Variants in NEK1 observed in about 807,000 individuals in gnomAD.
The protein encoded by NEK1 is NIMA related kinase 1, also known as serine/threonine-protein kinase Nek1.
Under a neutral mutation model 182.1 loss-of-function variants are expected in NEK1, and 137 were observed. The observed-to-expected ratio is 0.75, with a 90% CI of 0.65 to 0.87. The LOEUF (loss-of-function observed/expected upper bound fraction) is 0.87. Ranked by LOEUF, NEK1 falls within the 40% of genes least tolerant of loss-of-function variation. The pLI, the probability that NEK1 is intolerant of heterozygous loss-of-function variation, is 0.00. For missense variants in NEK1, 1,391 were observed against 1,494.4 expected (o/e 0.93, Z 1.14); for synonymous variants, 513 against 492.2 (o/e 1.04, Z -0.56).
chr4:169,580,996 T>A, intron 10 of NEK1, 94 bp from the exon 11 acceptor site: 1 of 544,566 alleles, frequency 1.8e-6, no homozygotes, highest in Non-Finnish European at 3.2e-6. Context: ...CCTTTTTCAG[T>A]AGTAATTATG....
At chr4:169,511,403 T>G (rs1465229032) in intron 19 of NEK1, among the ~76,000 whole-genome samples, 1 of 151,802 alleles carries the variant, frequency 6.6e-6, no homozygotes, top group Non-Finnish European at 1.5e-5. Context: ...TTAAGGGGAG[T>G]GGGTGGTAGT....
intron 27 of NEK1, among the ~76,000 whole-genome samples, chr4:169,444,135 C>G (rs995908090): frequency 6.6e-6 from 1 of 151,770 alleles, no homozygotes; most frequent in African/African-American, 2.4e-5. Context: ...CATTCACAAA[C>G]AAAAGAGAAA....
chr4:169,524,870 C>T (rs1170443512), intron 19 of NEK1, among the ~76,000 whole-genome samples: 1 of 152,204 alleles, frequency 6.6e-6, no homozygotes, highest in Non-Finnish European at 1.5e-5. Context: ...TTCATGCTTA[C>T]TGATTTACAC....
intron 10 of NEK1, among the ~76,000 whole-genome samples, chr4:169,581,788 A>G (rs1280096544): frequency 2.0e-5 from 3 of 152,208 alleles, no homozygotes; most frequent in Non-Finnish European, 2.9e-5. Context: ...CATTATCAAA[A>G]GAAATTATCT....
chr4:169,513,356 A>C (rs1397358851), intron 19 of NEK1, among the ~76,000 whole-genome samples: 1 of 149,218 alleles, frequency 6.7e-6, no homozygotes, highest in East Asian at 1.9e-4. Context: ...ATGGCATTAC[A>C]TTTTTTGTAT....
At chr4:169,559,112 T>A (rs1233283807) in intron 16 of NEK1, among the ~76,000 whole-genome samples, 1 of 152,210 alleles carries the variant, frequency 6.6e-6, no homozygotes, top group East Asian at 1.9e-4. Flanking sequence ...GATGCAGAAA[T>A]CTATTCAGTA....
chr4:169,525,113 A>T (rs1756694671), intron 19 of NEK1, among the ~76,000 whole-genome samples: 1 of 152,080 alleles, frequency 6.6e-6, no homozygotes, highest in South Asian at 2.1e-4. Flanking sequence ...CATGTACCAA[A>T]CATTATTTTA....
At chr4:169,552,846 C>G (rs1761630316) in intron 18 of NEK1, among the ~76,000 whole-genome samples, 1 of 152,014 alleles carries the variant, frequency 6.6e-6, no homozygotes, top group African/African-American at 2.4e-5. Flanking sequence ...CATTAGCACC[C>G]CCCAACATGT....
intron 18 of NEK1, among the ~76,000 whole-genome samples, chr4:169,545,179 A>C (rs1353865634): frequency 6.9e-6 from 1 of 145,332 alleles, no homozygotes; most frequent in African/African-American, 2.5e-5. Flanking sequence ...CCTTAGATAT[A>C]TCTCCCAATG....
intron 35 of NEK1, 164 bp downstream of exon 35, chr4:169,400,061 C>T (rs1186403632): frequency 1.4e-6 from 1 of 728,878 alleles, no homozygotes; most frequent in Non-Finnish European, 2.4e-6. Flanking sequence ...TATGACAGAT[C>T]AGTAAAAGTA....
intron 11 of NEK1, among the ~76,000 whole-genome samples, chr4:169,578,280 C>T (rs1766039614): frequency 6.6e-6 from 1 of 152,132 alleles, no homozygotes; most frequent in Admixed American, 6.5e-5. Flanking sequence ...CTTATTGAAA[C>T]CCTCTTTCCC....
chr4:169,586,300 G>A (rs1165726517), intron 9 of NEK1, among the ~76,000 whole-genome samples: 1 of 151,808 alleles, frequency 6.6e-6, no homozygotes, highest in African/African-American at 2.4e-5. Flanking sequence ...CTATAAATTA[G>A]GCATCAGTGA....
intron 28 of NEK1, among the ~76,000 whole-genome samples, chr4:169,434,971 G>A (rs1738127367): frequency 6.6e-6 from 1 of 151,996 alleles, no homozygotes; most frequent in African/African-American, 2.4e-5. Context: ...TTATTCTCTG[G>A]TCTATCAACT....
At chr4:169,507,224 A>C (rs1471956520) in intron 22 of NEK1, 92 bp from the exon 23 acceptor site, 1 of 724,480 alleles carries the variant, frequency 1.4e-6, no homozygotes, top group Non-Finnish European at 2.0e-6. Flanking sequence ...GAAGATATTT[A>C]CTTATTAGCC....
intron 19 of NEK1, among the ~76,000 whole-genome samples, chr4:169,530,228 C>T (rs144594560): frequency 1.8e-3 from 280 of 152,278 alleles, no homozygotes; most frequent in African/African-American, 6.6e-3. Flanking sequence ...GCATGAATAT[C>T]ATTACAGTGC....
intron 27 of NEK1, among the ~76,000 whole-genome samples, chr4:169,438,861 A>G (rs756545390): frequency 1.3e-5 from 2 of 152,046 alleles, no homozygotes; most frequent in Non-Finnish European, 2.9e-5. Context: ...ACTTCACTCT[A>G]CCTCAGTCTT....
intron 23 of NEK1, 169 bp downstream of exon 23, chr4:169,506,868 G>A: frequency 2.6e-6 from 1 of 381,706 alleles, no homozygotes. Flanking sequence ...ATGCGAGAGA[G>A]ACAGAGAGAC....
At chr4:169,396,630 G>A (rs1036465472) in intron 35 of NEK1, among the ~76,000 whole-genome samples, 8 of 152,048 alleles carry the variant, frequency 5.3e-5, no homozygotes, top group Non-Finnish European at 1.0e-4. Flanking sequence ...AGATATTGAC[G>A]CTTACCAAAC....
chr4:169,395,426 T>G (rs1324614758), intron 35 of NEK1, among the ~76,000 whole-genome samples: 4 of 152,210 alleles, frequency 2.6e-5, no homozygotes, highest in African/African-American at 7.2e-5. Context: ...GCTTATAGTT[T>G]CCCTACTACA....
Sources: allele counts gnomAD v4.1 joint callset (sites outside exome capture counted in the v4.1 genomes callset), GRCh38; gene constraint gnomAD v4.1.1; transcripts MANE v1.5; gene names NCBI Gene and HGNC (gene_info 2026-07-23, HGNC 2026-07-21).